GLT8D2: variants seen among roughly 807,000 people sequenced by gnomAD.
GLT8D2 encodes glycosyltransferase 8 domain-containing protein 2.
A neutral mutation model predicts 44.5 loss-of-function variants in GLT8D2; 45 were observed. That is an observed-to-expected ratio of 1.01 (90% CI 0.80 to 1.30). The LOEUF is 1.30. GLT8D2 is among the 50% of genes most tolerant of loss of function. The pLI is 0.00. For missense variants in GLT8D2, 400 were observed against 430.4 expected (o/e 0.93, Z 0.62); for synonymous variants, 156 against 157.2 (o/e 0.99, Z 0.06).
intron 5 of GLT8D2, among the ~76,000 whole-genome samples, chr12:104,001,892 C>A (rs368498381): frequency 6.6e-6 from 1 of 152,084 alleles, no homozygotes; most frequent in African/African-American, 2.4e-5. Flanking sequence ...TTAGTAGAGA[C>A]GGGGTTTCGC....
intron 1 of GLT8D2, among the ~76,000 whole-genome samples, chr12:104,041,671 C>A (rs1235450136): frequency 6.6e-6 from 1 of 152,182 alleles, no homozygotes; most frequent in African/African-American, 2.4e-5. Flanking sequence ...TTCTTTGATT[C>A]ATTCAACAAA....
chr12:104,041,734 AG>A (rs1880575760), intron 1 of GLT8D2, among the ~76,000 whole-genome samples: 1 of 152,246 alleles, frequency 6.6e-6, no homozygotes, highest in Non-Finnish European at 1.5e-5. Flanking sequence ...AGAGATTCAA[AG>A]ATAAGTCCCC....
intron 4 of GLT8D2, among the ~76,000 whole-genome samples, chr12:104,012,015 T>C (rs1468408807): frequency 6.6e-6 from 1 of 151,172 alleles, no homozygotes; most frequent in African/African-American, 2.4e-5. Flanking sequence ...CTCCTAAAAA[T>C]ACAAAATTAG....
chr12:104,047,570 T>C (rs12825553), intron 1 of GLT8D2, among the ~76,000 whole-genome samples: 1 of 152,166 alleles, frequency 6.6e-6, no homozygotes, highest in African/African-American at 2.4e-5. Flanking sequence ...CCTCCCAAAG[T>C]GCTGGGATTA....
chr12:104,064,391 GA>G, upstream of GLT8D2: 1 of 558,574 alleles, frequency 1.8e-6, no homozygotes, highest in Non-Finnish European at 2.8e-6. This position sits in a 1 kb window ranked among gnomAD's most constrained non-coding sequence, Gnocchi z 7.3. Context: ...CCCCTGTCAG[GA>G]CCCCCCTTCC....
intron 10 of GLT8D2, among the ~76,000 whole-genome samples, chr12:103,991,145 G>A (rs1441562573): frequency 6.6e-6 from 1 of 152,080 alleles, no homozygotes; most frequent in African/African-American, 2.4e-5. Context: ...TCTTTCCTTT[G>A]GGAAGAGTAT....
chr12:103,999,095 C>G (rs995750204), intron 6 of GLT8D2, among the ~76,000 whole-genome samples: 9 of 152,310 alleles, frequency 5.9e-5, no homozygotes, highest in African/African-American at 2.2e-4. Context: ...TTTTTCCTGG[C>G]CTCAGCTACC....
intron 3 of GLT8D2, among the ~76,000 whole-genome samples, chr12:104,016,774 A>AAGGAAGGAAG (rs1566199639): frequency 2.1e-4 from 12 of 58,392 alleles, no homozygotes; most frequent in African/African-American, 8.9e-4. Flanking sequence ...AAAGAAAGAA[A>AAGGAAGGAAG]GAAGGAAGGA....
upstream of GLT8D2, among the ~76,000 whole-genome samples, chr12:104,053,452 A>G (rs1881889884): frequency 6.6e-6 from 1 of 152,236 alleles, no homozygotes. Flanking sequence ...GTGTGAGCAC[A>G]GGTCTTACCT....
intron 1 of GLT8D2, among the ~76,000 whole-genome samples, chr12:104,035,948 C>G (rs1180535752): frequency 1.3e-5 from 2 of 152,122 alleles, no homozygotes; most frequent in Admixed American, 6.5e-5. Context: ...AAAGGGAAGC[C>G]CATCAGACTA....
In GLT8D2 at chr12:104,034,581, C is replaced by T. The variant is rs1465825406; in HGVS notation, c.-163-13090G>A. Among the ~76,000 whole-genome samples the T allele has an allele frequency of 3.3e-5, 5 of 152,242 alleles. No homozygotes were observed. In the East Asian group the frequency reaches 9.6e-4, roughly 29 times the overall value. On this transcript the variant is annotated intron_variant, in intron 1 of 10. Coordinates refer to ENST00000360814, the MANE Select transcript of GLT8D2 (RefSeq NM_001384711.1). Reference sequence around the variant, plus strand: ...ATCGACCTGCGAGGCAGCAGCCTGGCAGGTGGAAGGGCGTCCACCATTGCT... The same window carrying T: ...ATCGACCTGCGAGGCAGCAGCCTGGTAGGTGGAAGGGCGTCCACCATTGCT...
At position 103,994,337 on chromosome 12, in the gene GLT8D2, C is replaced by T. The variant is rs372994849; in HGVS notation, c.765G>A (p.Val255=). The part of the protein sequence containing the change: ...KQLEKWMQKN[V]EENLYSSSLG... ...ATGGTAGAGAAGCCTTCACGTACTC[C>T]ACATTCTTTTGCATCCATTTCTCCA... Residue 255 remains valine (V), a splice_region_variant and synonymous_variant, in exon 9 of 11, where the codon GTG becomes GTA. Coordinates refer to ENST00000360814, the MANE Select transcript of GLT8D2 (RefSeq NM_001384711.1). 1.6e-5 allele frequency: 26 copies of T among 1,607,390 alleles called. No individual in the cohort carries two copies. In the East Asian group the frequency reaches 1.8e-4, roughly 11 times the overall value.
At chr12:103,992,373 A>G (rs1872848000) in intron 10 of GLT8D2, among the ~76,000 whole-genome samples, 6 of 152,094 alleles carry the variant, frequency 3.9e-5, no homozygotes, top group Admixed American at 3.9e-4. Context: ...CTAAGCCATT[A>G]TGCTAATTTA....
At chr12:104,049,475 A>C (rs1421607872) in intron 1 of GLT8D2, 4 of 152,224 alleles carry the variant, frequency 2.6e-5, no homozygotes, top group African/African-American at 9.7e-5. Flanking sequence ...TCCTCAGAAC[A>C]GCTTCCTAAG....
intron 1 of GLT8D2, among the ~76,000 whole-genome samples, chr12:104,033,478 G>A (rs1157821050): frequency 1.3e-5 from 2 of 152,120 alleles, no homozygotes; most frequent in South Asian, 4.1e-4. Context: ...AGAGTAGAAG[G>A]GTGGTTACCA....
intron 1 of GLT8D2, among the ~76,000 whole-genome samples, chr12:104,021,944 AGAAGAAGAAGAG>A (rs1289313073): frequency 0.032 from 742 of 22,988 alleles, 86 homozygotes; most frequent in African/African-American, 0.043. Flanking sequence ...AAGAAGAAGA[AGAAGAAGAAGAG>A]GAAGAAGAGG....
intron 8 of GLT8D2, among the ~76,000 whole-genome samples, chr12:103,995,722 T>C (rs79990201): frequency 0.084 from 12,855 of 152,306 alleles, 845 homozygotes; most frequent in East Asian, 0.31. Flanking sequence ...GAATGAATGT[T>C]GTACAGGGCA....
Position 104,015,096 on chromosome 12 carries a change from A to G in GLT8D2, c.29T>C (p.Val10Ala). 3 of 1,612,284 alleles carry G rather than the reference A, an allele frequency of 1.9e-6. No homozygotes were observed. In the South Asian group the frequency reaches 3.3e-5, roughly 18 times the overall value. ...GGTCACGATCAGAAGGAACAGCAGC[A>G]CCTGATTAACTGAAATAGAAATGGA... MALLRKINQ[V>A]LLFLLIVTLC... Residue 10 changes from valine (V) to alanine (A), a missense_variant, in exon 4 of 11, where the codon GTG becomes GCG. Coordinates refer to ENST00000360814, the MANE Select transcript of GLT8D2 (RefSeq NM_001384711.1).
chr12:104,032,966 G>A (rs1593560651), intron 1 of GLT8D2, among the ~76,000 whole-genome samples: 2 of 150,572 alleles, frequency 1.3e-5, no homozygotes, highest in Admixed American at 6.7e-5. Context: ...TGCAACCTCC[G>A]CTTCCGGGGT....
Sources: allele counts gnomAD v4.1 joint callset (sites outside exome capture counted in the v4.1 genomes callset), GRCh38; gene constraint gnomAD v4.1.1; non-coding constraint Gnocchi (gnomAD v3.1); transcripts MANE v1.5; gene names NCBI Gene and HGNC (gene_info 2026-07-23, HGNC 2026-07-21).